Variants in NDST4 observed in about 807,000 individuals in gnomAD.
NDST4 encodes N-deacetylase and N-sulfotransferase 4, also known as N-heparan sulfate sulfotransferase 4.
NDST4 carries 63 observed loss-of-function variants against 100.8 expected under a neutral mutation model. The observed-to-expected ratio is 0.62, with a 90% CI of 0.51 to 0.77. The LOEUF (loss-of-function observed/expected upper bound fraction) is 0.77. Among genes scored for constraint, NDST4 ranks in the 30% least tolerant of loss-of-function variants. The probability of loss-of-function intolerance (pLI) is 0.00; values close to 1 mark genes in which losing one functional copy is unlikely to be tolerated. For missense variants in NDST4, 943 were observed against 1,018.4 expected, an observed-to-expected ratio of 0.93 and a Z score of 1.01; for synonymous variants, 377 against 361.8, an observed-to-expected ratio of 1.04 and a Z score of -0.48.
At chr4:114,981,474 G>T (rs1454337929) in intron 2 of NDST4, among the ~76,000 whole-genome samples, 1 of 152,010 alleles carries the variant, frequency 6.6e-6, no homozygotes, top group Admixed American at 6.6e-5. Context: ...ATATACTCCA[G>T]CTGGTTCTAA....
intron 7 of NDST4, among the ~76,000 whole-genome samples, chr4:114,863,111 C>G (rs1199616905): frequency 6.6e-6 from 1 of 151,926 alleles, no homozygotes; most frequent in Non-Finnish European, 1.5e-5. Context: ...CAGACTTTTC[C>G]TACTCTGACT....
In NDST4 at chr4:114,908,885, C is replaced by T. The variant is rs1037635615; in HGVS notation, c.1536+26321G>A. On this transcript the variant is annotated intron_variant, in intron 6 of 13. Transcript: ENST00000264363. ...CATAATTATAGTAAGGAAAATAAAC[C>T]GTAAATTGGAATATATATATTTAGA... Among the ~76,000 whole-genome samples, 14 of 151,820 alleles carry T rather than the reference C, an allele frequency of 9.2e-5. No homozygotes were observed. In the South Asian group the frequency reaches 2.1e-3, roughly 23 times the overall value.
chr4:114,902,983 T>TGTAA (rs1724877788), intron 6 of NDST4, among the ~76,000 whole-genome samples: 1 of 152,114 alleles, frequency 6.6e-6, no homozygotes, highest in African/African-American at 2.4e-5. Flanking sequence ...GCCTATATGT[T>TGTAA]CTTGCTTGCT....
At chr4:115,104,408 C>T (rs1729796492) in intron 1 of NDST4, among the ~76,000 whole-genome samples, 3 of 152,058 alleles carry the variant, frequency 2.0e-5, no homozygotes, top group Admixed American at 6.6e-5. Flanking sequence ...GGAATAAATA[C>T]TCTCTTCACC....
intron 2 of NDST4, among the ~76,000 whole-genome samples, chr4:115,005,384 T>C (rs925207086): frequency 6.6e-6 from 1 of 152,126 alleles, no homozygotes; most frequent in Non-Finnish European, 1.5e-5. Context: ...TCTAAGCTAT[T>C]GGGATCTTAC....
intron 6 of NDST4, among the ~76,000 whole-genome samples, chr4:114,877,073 C>CAA (rs1724269963): frequency 6.6e-6 from 1 of 151,006 alleles, no homozygotes; most frequent in Non-Finnish European, 1.5e-5. Flanking sequence ...AACACACACA[C>CAA]ACACACACAC....
intron 6 of NDST4, among the ~76,000 whole-genome samples, chr4:114,894,517 C>A (rs1206802051): frequency 1.3e-5 from 2 of 152,158 alleles, no homozygotes; most frequent in African/African-American, 4.8e-5. Flanking sequence ...AATGCGAGTT[C>A]ATTCAAGATT....
At chr4:114,921,557 ATT>A (rs1245508194) in intron 6 of NDST4, among the ~76,000 whole-genome samples, 1 of 152,170 alleles carries the variant, frequency 6.6e-6, no homozygotes, top group Admixed American at 6.5e-5. Context: ...AATTATTTAT[ATT>A]TTTTGTCCAA....
At chr4:115,064,264 A>G (rs1262490458) in intron 2 of NDST4, among the ~76,000 whole-genome samples, 1 of 152,082 alleles carries the variant, frequency 6.6e-6, no homozygotes. Context: ...AACAAAAAAT[A>G]GACATCTTTG....
At chr4:114,945,513 G>T (rs1307011562) in intron 4 of NDST4, among the ~76,000 whole-genome samples, 2 of 151,948 alleles carry the variant, frequency 1.3e-5, no homozygotes, top group African/African-American at 4.8e-5. Flanking sequence ...TAATTTTAAA[G>T]GAAATAAACA....
chr4:114,892,335 T>G (rs1724615869), intron 6 of NDST4, among the ~76,000 whole-genome samples: 1 of 152,176 alleles, frequency 6.6e-6, no homozygotes, highest in South Asian at 2.1e-4. Context: ...CTACACTAAT[T>G]GTTTTTAACA....
In NDST4 at chr4:114,861,161, C is replaced by G. The variant is rs1723910190; in HGVS notation, c.1720-8340G>C. ...ATATTTTTCCCCAAAATTTTGCCTA[C>G]ATTTCTAGCTTAAGCTAATATCTAC... On this transcript the variant is annotated intron_variant, in intron 7 of 13. Coordinates refer to ENST00000264363, the MANE Select transcript of NDST4 (RefSeq NM_022569.3). Among the ~76,000 whole-genome samples the G allele has an allele frequency of 2.0e-5, 3 of 152,292 alleles. No individual in the cohort carries two copies. The South Asian group carries it at 6.2e-4, about 32-fold the overall frequency.
chr4:115,057,513 C>A (rs1007071688), intron 2 of NDST4, among the ~76,000 whole-genome samples: 1 of 152,056 alleles, frequency 6.6e-6, no homozygotes, highest in Non-Finnish European at 1.5e-5. Flanking sequence ...AAAATGCCAA[C>A]CTGAAAGTAC....
At chr4:114,904,830 G>A (rs537098220) in intron 6 of NDST4, among the ~76,000 whole-genome samples, 39 of 151,914 alleles carry the variant, frequency 2.6e-4, no homozygotes, top group Non-Finnish European at 5.2e-4. Flanking sequence ...CCACACTTGT[G>A]CTATAGAAAT....
intron 1 of NDST4, among the ~76,000 whole-genome samples, chr4:115,104,370 C>A (rs1729795771): frequency 6.6e-6 from 1 of 152,062 alleles, no homozygotes; most frequent in African/African-American, 2.4e-5. Context: ...TACATTGTGT[C>A]ACTATAAGGG....
At chr4:114,890,984 G>A (rs72899285) in intron 6 of NDST4, among the ~76,000 whole-genome samples, 11,433 of 151,922 alleles carry the variant, frequency 0.075, 451 homozygotes, top group Middle Eastern at 0.1. Context: ...TAGTTCTTTT[G>A]TATTTGGCTT....
intron 2 of NDST4, among the ~76,000 whole-genome samples, chr4:114,985,033 T>C (rs1218566804): frequency 6.6e-6 from 1 of 152,208 alleles, no homozygotes; most frequent in African/African-American, 2.4e-5. Context: ...CGTAATATCA[T>C]GTTAAATGGT....
intron 2 of NDST4, among the ~76,000 whole-genome samples, chr4:114,991,318 C>T (rs1727035180): frequency 1.3e-5 from 2 of 152,068 alleles, no homozygotes; most frequent in South Asian, 4.1e-4. Context: ...CCAAAAGGGC[C>T]TTGTGGATCA....
At chr4:114,905,419 T>G (rs558480147) in intron 6 of NDST4, among the ~76,000 whole-genome samples, 1 of 152,076 alleles carries the variant, frequency 6.6e-6, no homozygotes, top group South Asian at 2.1e-4. Flanking sequence ...CACACAATTT[T>G]AAGTGTAGAT....
Sources: gnomAD v4.1 joint callset for allele counts (sites outside exome capture counted in the v4.1 genomes callset) on GRCh38, gnomAD v4.1.1 for gene constraint, MANE v1.5 for transcripts, NCBI Gene and HGNC (gene_info 2026-07-23, HGNC 2026-07-21) for gene names.